Variants in FOXP1 observed in about 807,000 individuals in gnomAD.
The protein encoded by FOXP1 is forkhead box protein P1.
A neutral mutation model predicts 98.2 loss-of-function variants in FOXP1; 15 were observed. That is an observed-to-expected ratio of 0.15 (90% CI 0.10 to 0.24). FOXP1 has a LOEUF of 0.24. Among genes scored for constraint, FOXP1 ranks in the 10% least tolerant of loss-of-function variants. The pLI is 1.00. For missense variants in FOXP1, 633 were observed against 848.5 expected, an observed-to-expected ratio of 0.75 and a Z score of 3.15; for synonymous variants, 371 against 314.5, an observed-to-expected ratio of 1.18 and a Z score of -1.90.
At chr3:71,489,319 G>A (rs974279620) in intron 3 of FOXP1, among the ~76,000 whole-genome samples, 1 of 152,162 alleles carries the variant, frequency 6.6e-6, no homozygotes, top group Non-Finnish European at 1.5e-5. Flanking sequence ...AGGGAAAACA[G>A]TTGTAAGCAA....
At chr3:70,983,177 C>T (rs2039167801) in intron 14 of FOXP1, among the ~76,000 whole-genome samples, 1 of 152,004 alleles carries the variant, frequency 6.6e-6, no homozygotes, top group African/African-American at 2.4e-5. Flanking sequence ...TCAGCCTGGC[C>T]CTGTTTTAGA....
intron 13 of FOXP1, among the ~76,000 whole-genome samples, chr3:70,996,249 G>T (rs1024478790): frequency 3.3e-5 from 5 of 152,140 alleles, no homozygotes; most frequent in African/African-American, 4.8e-5. Flanking sequence ...CTTCCAAAGT[G>T]CTGGTATTAC....
At chr3:71,515,367 A>T (rs1306998706) in intron 2 of FOXP1, among the ~76,000 whole-genome samples, 1 of 147,092 alleles carries the variant, frequency 6.8e-6, no homozygotes, top group Non-Finnish European at 1.5e-5. Flanking sequence ...CTAAGATGTG[A>T]TTAAATTTAA....
chr3:71,547,812 G>C (rs1296359409), intron 2 of FOXP1, among the ~76,000 whole-genome samples: 1 of 152,182 alleles, frequency 6.6e-6, no homozygotes, highest in Admixed American at 6.5e-5. Context: ...CAATCCTTTG[G>C]TGGTCATCAT....
At chr3:71,350,017 T>C (rs533332336) in intron 4 of FOXP1, among the ~76,000 whole-genome samples, 9 of 152,298 alleles carry the variant, frequency 5.9e-5, no homozygotes, top group Admixed American at 4.6e-4. Flanking sequence ...TCACTGAAGT[T>C]TTTCCCAAGA....
chr3:71,478,384 A>T (rs2106806138), intron 3 of FOXP1, among the ~76,000 whole-genome samples: 1 of 152,356 alleles, frequency 6.6e-6, no homozygotes, highest in South Asian at 2.1e-4. Context: ...AATAAATACT[A>T]AAAAGGGGCC....
At chr3:71,187,477 G>C (rs896945397) in intron 6 of FOXP1, among the ~76,000 whole-genome samples, 1 of 152,084 alleles carries the variant, frequency 6.6e-6, no homozygotes, top group Admixed American at 6.5e-5. Flanking sequence ...CAGCTACTAG[G>C]GAAGCTGAGG....
intron 5 of FOXP1, among the ~76,000 whole-genome samples, chr3:71,275,365 C>T (rs994873871): frequency 6.6e-6 from 1 of 152,114 alleles, no homozygotes; most frequent in Non-Finnish European, 1.5e-5. Flanking sequence ...AAGTTATAAC[C>T]ATGAACACAG....
At chr3:71,023,709 G>C (rs180953993) in intron 11 of FOXP1, among the ~76,000 whole-genome samples, 12 of 152,268 alleles carry the variant, frequency 7.9e-5, no homozygotes, top group Admixed American at 7.8e-4. Flanking sequence ...TTGAAGATGG[G>C]AATACGAATT....
At chr3:71,187,638 T>C (rs1294204006) in intron 6 of FOXP1, among the ~76,000 whole-genome samples, 1 of 152,208 alleles carries the variant, frequency 6.6e-6, no homozygotes, top group Non-Finnish European at 1.5e-5. Flanking sequence ...ACATGTGATA[T>C]ATACATATAG....
intron 2 of FOXP1, chr3:71,571,008 C>T (rs1355625420): frequency 6.6e-6 from 1 of 152,206 alleles, no homozygotes; most frequent in Non-Finnish European, 1.5e-5. Context: ...CTCTCGTAGA[C>T]TTCAATCACT....
At chr3:71,368,032 T>C (rs2079040287) in intron 3 of FOXP1, among the ~76,000 whole-genome samples, 1 of 152,228 alleles carries the variant, frequency 6.6e-6, no homozygotes, top group African/African-American at 2.4e-5. Context: ...AAGGACTGCA[T>C]GCTACAGCTG....
intron 3 of FOXP1, among the ~76,000 whole-genome samples, chr3:71,426,415 T>C (rs1427459830): frequency 6.6e-6 from 1 of 152,126 alleles, no homozygotes; most frequent in Non-Finnish European, 1.5e-5. Flanking sequence ...GGGAGACTAT[T>C]CAAAAGATTT....
intron 5 of FOXP1, among the ~76,000 whole-genome samples, chr3:71,252,337 T>C (rs2068267386): frequency 2.0e-5 from 3 of 152,206 alleles, no homozygotes; most frequent in African/African-American, 7.2e-5. Context: ...TCTGGGCAAG[T>C]AAATAATGAA....
At chr3:71,474,702 C>A (rs2089666585) in intron 3 of FOXP1, among the ~76,000 whole-genome samples, 1 of 151,928 alleles carries the variant, frequency 6.6e-6, no homozygotes, top group Non-Finnish European at 1.5e-5. Flanking sequence ...GTCACTGTCT[C>A]CCATCAACCC....
chr3:71,157,843 C>T (rs2321504), intron 6 of FOXP1, among the ~76,000 whole-genome samples: 124,824 of 151,686 alleles, frequency 0.82, 51,780 homozygotes, highest in East Asian at 0.9. Flanking sequence ...TCCCAGCACT[C>T]TGGGAGGCTG....
intron 12 of FOXP1, among the ~76,000 whole-genome samples, chr3:71,003,435 T>TC (rs2042368753): frequency 6.6e-6 from 1 of 151,852 alleles, no homozygotes; most frequent in Admixed American, 6.6e-5. Context: ...TTTTTTTTTT[T>TC]CCCATAGCTT....
At chr3:71,532,259 C>T (rs559604281) in intron 2 of FOXP1, among the ~76,000 whole-genome samples, 1 of 152,184 alleles carries the variant, frequency 6.6e-6, no homozygotes, top group East Asian at 1.9e-4. Context: ...GCCACCACAC[C>T]CAAATTTTTG....
At chr3:71,331,863 T>G (rs1435494469) in intron 4 of FOXP1, among the ~76,000 whole-genome samples, 2 of 145,550 alleles carry the variant, frequency 1.4e-5, no homozygotes, top group East Asian at 4.4e-4. Flanking sequence ...AATACACCAA[T>G]CAACACTCTG....
Sources: allele counts gnomAD v4.1 joint callset (sites outside exome capture counted in the v4.1 genomes callset), GRCh38; gene constraint gnomAD v4.1.1; transcripts MANE v1.5; gene names NCBI Gene and HGNC (gene_info 2026-07-23, HGNC 2026-07-21).